PLXNA2: variants seen among roughly 807,000 people sequenced by gnomAD.
The protein encoded by PLXNA2 is plexin A2.
In PLXNA2, 91 loss-of-function variants were observed where a neutral mutation model predicts 193.5. The observed-to-expected ratio is 0.47, with a 90% CI of 0.40 to 0.56. The LOEUF (loss-of-function observed/expected upper bound fraction) is 0.56. Ranked by LOEUF, PLXNA2 falls within the 20% of genes least tolerant of loss-of-function variation. PLXNA2 has a pLI of 0.00. For missense variants in PLXNA2, 1,995 were observed against 2,503.2 expected (o/e 0.80, Z 4.33); for synonymous variants, 997 against 1,027.3 (o/e 0.97, Z 0.56).
intron 1 of PLXNA2, among the ~76,000 whole-genome samples, chr1:208,242,390 C>T (rs749163045): frequency 5.3e-5 from 8 of 152,144 alleles, no homozygotes; most frequent in Non-Finnish European, 7.4e-5. Flanking sequence ...CCACTGTGCG[C>T]GTGAATGGAA....
At chr1:208,059,463 C>G (rs548783610) in intron 13 of PLXNA2, among the ~76,000 whole-genome samples, 120 of 152,342 alleles carry the variant, frequency 7.9e-4, no homozygotes, top group African/African-American at 2.8e-3. Context: ...GAATTCACCC[C>G]TTTGGACTCT....
intron 3 of PLXNA2, 117 bp downstream of exon 3, chr1:208,210,163 T>A (rs1670888369): frequency 9.0e-7 from 1 of 1,110,688 alleles, no homozygotes; most frequent in Non-Finnish European, 1.3e-6. Flanking sequence ...TTCACCTTTG[T>A]TCCCCAAGAA....
intron 4 of PLXNA2, among the ~76,000 whole-genome samples, chr1:208,129,178 A>G (rs1668071152): frequency 6.6e-6 from 1 of 152,200 alleles, no homozygotes; most frequent in African/African-American, 2.4e-5. Context: ...GGATGGGCAG[A>G]GATCTTCCTT....
At chr1:208,145,655 T>G (rs1034886245) in intron 3 of PLXNA2, among the ~76,000 whole-genome samples, 1 of 152,000 alleles carries the variant, frequency 6.6e-6, no homozygotes, top group African/African-American at 2.4e-5. Context: ...AGAGCTGGAG[T>G]TGAACCAAAG....
At chr1:208,155,265 A>G (rs1668903496) in intron 3 of PLXNA2, among the ~76,000 whole-genome samples, 1 of 152,168 alleles carries the variant, frequency 6.6e-6, no homozygotes, top group African/African-American at 2.4e-5. Flanking sequence ...CACTGGGCCG[A>G]AGGGATGGCA....
In PLXNA2 at chr1:208,168,723, G is replaced by GTTTTTTTTTTTTTTTTTTTTTTTTTT. The variant is rs751893998; in HGVS notation, c.1372-26261_1372-26260insAAAAAAAAAAAAAAAAAAAAAAAAAA. Among the ~76,000 whole-genome samples the GTTTTTTTTTTTTTTTTTTTTTTTTTT allele has an allele frequency of 2.9e-5, 3 of 102,238 alleles. 1 individual carries two copies. The highest frequency in any genetic ancestry group is 4.0e-4 in the East Asian group (1 of 2,486). 67.1% of individuals were successfully genotyped at this position (102,238 alleles called of 152,430 possible). On this transcript the variant is annotated intron_variant, in intron 3 of 31. Coordinates refer to ENST00000367033, the MANE Select transcript of PLXNA2 (RefSeq NM_025179.4). ...CAAAAAGAAGACAAAGAGTATGCGG[G>GTTTTTTTTTTTTTTTTTTTTTTTTTT]GTTTTTTTTTTTTTTTTTTTTTTTT...
intron 4 of PLXNA2, among the ~76,000 whole-genome samples, chr1:208,116,107 G>T (rs1007059591): frequency 2.0e-5 from 3 of 152,116 alleles, no homozygotes; most frequent in Non-Finnish European, 1.5e-5. Context: ...CCATGCCTTT[G>T]CTCATACATT....
intron 12 of PLXNA2, 137 bp from the exon 13 acceptor site, chr1:208,060,974 G>A (rs763353081): frequency 8.6e-5 from 58 of 672,046 alleles, no homozygotes; most frequent in Admixed American, 6.5e-4. Context: ...TGGTGAGTGA[G>A]TGCGTTTTGT....
chr1:208,125,185 G>A (rs1469347731), intron 4 of PLXNA2, among the ~76,000 whole-genome samples: 5 of 152,116 alleles, frequency 3.3e-5, no homozygotes, highest in South Asian at 2.1e-4. Context: ...GTTTATTAAC[G>A]ATGCCCAAGA....
At chr1:208,156,702 C>T (rs191939492) in intron 3 of PLXNA2, among the ~76,000 whole-genome samples, 3 of 152,336 alleles carry the variant, frequency 2.0e-5, no homozygotes, top group Admixed American at 2.0e-4. Flanking sequence ...GTCTGAGCCT[C>T]ATCTAAGTGC....
At chr1:208,137,915 C>T (rs143452158) in intron 4 of PLXNA2, among the ~76,000 whole-genome samples, 43 of 152,186 alleles carry the variant, frequency 2.8e-4, no homozygotes, top group African/African-American at 9.9e-4. Context: ...TCCACTCTCA[C>T]GGCCCCAAGA....
At chr1:208,138,622 C>T (rs1045487138) in intron 4 of PLXNA2, among the ~76,000 whole-genome samples, 1 of 152,252 alleles carries the variant, frequency 6.6e-6, no homozygotes, top group Non-Finnish European at 1.5e-5. Flanking sequence ...CAGTGGCGCA[C>T]GCTTGTAATC....
chr1:208,109,360 T>G (rs1667388011), intron 4 of PLXNA2, among the ~76,000 whole-genome samples: 1 of 152,146 alleles, frequency 6.6e-6, no homozygotes, highest in South Asian at 2.1e-4. Context: ...AGCCACTTTC[T>G]TCTCTTTCCC....
At position 208,187,688 on chromosome 1, in the gene PLXNA2, T is replaced by C. The variant is rs560952580; in HGVS notation, c.1371+22592A>G. 3.3e-5 allele frequency among the ~76,000 whole-genome samples: 5 copies of C among 152,320 alleles called. No individual in the cohort carries two copies. In the South Asian group the frequency reaches 1.0e-3, roughly 32 times the overall value. The stretch of plus-strand genomic sequence containing the variant: ...GTTGTTTCCCTTACTGTTAGCACAA[T>C]GACCAGGATCTTGTAAAAGTCCCTG... On this transcript the variant is annotated intron_variant, in intron 3 of 31. Transcript: ENST00000367033.
intron 4 of PLXNA2, among the ~76,000 whole-genome samples, chr1:208,114,508 G>A (rs1419525677): frequency 6.6e-6 from 1 of 152,238 alleles, no homozygotes; most frequent in Non-Finnish European, 1.5e-5. Flanking sequence ...TGCCGGATCT[G>A]AGACCAGACT....
Position 208,236,157 on chromosome 1 carries a change from G to C in PLXNA2, c.-81+7486C>G, listed in dbSNP as rs985629682. On this transcript the variant is annotated intron_variant, in intron 1 of 31. Coordinates refer to ENST00000367033, the MANE Select transcript of PLXNA2 (RefSeq NM_025179.4). This position sits in a 1 kb window ranked among gnomAD's most constrained non-coding sequence, Gnocchi z 4.4. ...ACGAGGGGCCTCCTGCCTGTGGACGGGGAAGGAGCCTGGGTCTTCCTGTCT... is the reference window on the plus strand; with the variant it reads ...ACGAGGGGCCTCCTGCCTGTGGACGCGGAAGGAGCCTGGGTCTTCCTGTCT... Among the ~76,000 whole-genome samples the C allele has an allele frequency of 6.6e-6, 1 of 152,160 alleles. No individual in the cohort carries two copies. The highest frequency in any genetic ancestry group is 1.5e-5 in the Non-Finnish European group (1 of 68,032).
rs994348344 is a variant in PLXNA2, at chr1:208,070,432, A to C, written c.2586+8828T>G. 5.3e-5 allele frequency among the ~76,000 whole-genome samples: 8 copies of C among 151,954 alleles called. No individual in the cohort carries two copies. In the Middle Eastern group the frequency reaches 0.01, roughly 196 times the overall value. On this transcript the variant is annotated intron_variant, in intron 12 of 31. Transcript: ENST00000367033. ...CTTGCCCCTTTGTCTCTTCCTGTGCATGTCTAGTCTCCCCAAACAATGCTG... is the reference window on the plus strand; with the variant it reads ...CTTGCCCCTTTGTCTCTTCCTGTGCCTGTCTAGTCTCCCCAAACAATGCTG...
At chr1:208,195,787 T>A (rs1670339288) in intron 3 of PLXNA2, among the ~76,000 whole-genome samples, 1 of 151,976 alleles carries the variant, frequency 6.6e-6, no homozygotes, top group African/African-American at 2.4e-5. Context: ...AGGAGACAGA[T>A]TTTTTATTTC....
intron 3 of PLXNA2, among the ~76,000 whole-genome samples, chr1:208,169,922 C>T (rs930978759): frequency 6.6e-6 from 1 of 152,122 alleles, no homozygotes; most frequent in Non-Finnish European, 1.5e-5. Flanking sequence ...AAACTTAATG[C>T]TCCCTTCCTA....
Sources: gnomAD v4.1 joint callset for allele counts (sites outside exome capture counted in the v4.1 genomes callset) on GRCh38, gnomAD v4.1.1 for gene constraint, Gnocchi (gnomAD v3.1) non-coding constraint, MANE v1.5 for transcripts, NCBI Gene and HGNC (gene_info 2026-07-23, HGNC 2026-07-21) for gene names.